ELAVL4: variants seen among roughly 807,000 people sequenced by gnomAD.
ELAVL4 encodes the protein ELAV like RNA binding protein 4, also known as ELAV-like protein 4.
ELAVL4 carries 1 observed loss-of-function variant against 35.6 expected under a neutral mutation model. The observed-to-expected ratio is 0.03, with a 90% CI of 0.01 to 0.13. The LOEUF is 0.13. Among genes scored for constraint, ELAVL4 ranks in the 10% least tolerant of loss-of-function variants. ELAVL4 has a pLI of 1.00. For synonymous variants in ELAVL4, 156 were observed against 171.0 expected (o/e 0.91, Z 0.69); for missense variants, 267 against 464.9 (o/e 0.57, Z 3.91).
At chr1:50,142,763 T>C (rs778661276) in intron 1 of ELAVL4, among the ~76,000 whole-genome samples, 85 of 152,152 alleles carry the variant, frequency 5.6e-4, no homozygotes, top group Non-Finnish European at 1.0e-3. Flanking sequence ...AACAGAATCC[T>C]AGGACTATCC....
chr1:50,148,167 T>C (rs1674085890), intron 2 of ELAVL4, among the ~76,000 whole-genome samples: 1 of 152,162 alleles, frequency 6.6e-6, no homozygotes, highest in African/African-American at 2.4e-5. Context: ...TGAAGCTTGG[T>C]GATTTCCCCA....
intron 1 of ELAVL4, among the ~76,000 whole-genome samples, chr1:50,074,563 C>A (rs1276188538): frequency 6.6e-6 from 1 of 151,698 alleles, no homozygotes; most frequent in Non-Finnish European, 1.5e-5. Context: ...AGAAAGGGAC[C>A]CAGTCTGTTG....
intron 1 of ELAVL4, among the ~76,000 whole-genome samples, chr1:50,117,558 T>A (rs540699199): frequency 6.6e-6 from 1 of 152,286 alleles, no homozygotes; most frequent in African/African-American, 2.4e-5. Flanking sequence ...TACTTCAACA[T>A]GAGCCACAAT....
chr1:50,197,298 T>G (rs1644117678), intron 5 of ELAVL4, 131 bp from the exon 6 acceptor site: 1 of 779,692 alleles, frequency 1.3e-6, no homozygotes, highest in South Asian at 3.0e-5. Context: ...TACCGGTGGA[T>G]AGACTCCTAA....
chr1:50,089,482 G>T (rs1665397541), intron 1 of ELAVL4, among the ~76,000 whole-genome samples: 1 of 152,154 alleles, frequency 6.6e-6, no homozygotes, highest in South Asian at 2.1e-4. Context: ...GCTAGGTGTG[G>T]TGACTCATTC....
chr1:50,162,372 A>C (rs532335354), intron 2 of ELAVL4, among the ~76,000 whole-genome samples: 81 of 152,150 alleles, frequency 5.3e-4, no homozygotes, highest in Non-Finnish European at 7.4e-4. Flanking sequence ...GCCCTTAAGG[A>C]ACTTAGGGTC....
intron 1 of ELAVL4, among the ~76,000 whole-genome samples, chr1:50,048,717 C>G (rs4537610): frequency 6.6e-6 from 1 of 151,994 alleles, no homozygotes; most frequent in Admixed American, 6.5e-5. Flanking sequence ...GCAGCACCCT[C>G]CCCTATCTTT....
At chr1:50,103,434 GA>G (rs894910170), upstream of ELAVL4, among the ~76,000 whole-genome samples, 157 of 144,316 alleles carry the variant, frequency 1.1e-3, no homozygotes, top group African/African-American at 2.2e-3. Context: ...ACATGATAAA[GA>G]AAAAAAAAAG....
intron 2 of ELAVL4, among the ~76,000 whole-genome samples, chr1:50,146,208 CTTTAT>C (rs1410442740): frequency 6.6e-6 from 1 of 151,446 alleles, no homozygotes; most frequent in Non-Finnish European, 1.5e-5. Flanking sequence ...TATACATCAT[CTTTAT>C]TTTAAATCAG....
At chr1:50,194,060 C>T (rs1488525954) in intron 4 of ELAVL4, 142 bp downstream of exon 4, 3 of 1,130,616 alleles carry the variant, frequency 2.7e-6, no homozygotes, top group Non-Finnish European at 3.7e-6. Flanking sequence ...AGAAAGACTT[C>T]TTATCGGTCA....
At chr1:50,187,206 T>C (rs1681965704) in intron 3 of ELAVL4, among the ~76,000 whole-genome samples, 1 of 152,180 alleles carries the variant, frequency 6.6e-6, no homozygotes, top group African/African-American at 2.4e-5. Context: ...TCTGAAATGA[T>C]TGGTTTGTGT....
At chr1:50,136,459 C>T (rs961697875) in intron 1 of ELAVL4, among the ~76,000 whole-genome samples, 1 of 152,144 alleles carries the variant, frequency 6.6e-6, no homozygotes, top group African/African-American at 2.4e-5. Flanking sequence ...TGGTTCAATT[C>T]AGTGACTGCC....
chr1:50,112,345 G>T (rs183098030), intron 1 of ELAVL4, among the ~76,000 whole-genome samples: 2 of 152,174 alleles, frequency 1.3e-5, no homozygotes, highest in Non-Finnish European at 2.9e-5. Flanking sequence ...TGTAAGAAGT[G>T]TCATCTTGGC....
chr1:50,067,866 G>T (rs377410357), intron 1 of ELAVL4, among the ~76,000 whole-genome samples: 1 of 152,126 alleles, frequency 6.6e-6, no homozygotes, highest in Non-Finnish European at 1.5e-5. Flanking sequence ...GCAGGAAGAA[G>T]TGCCAAGCAA....
chr1:50,060,097 T>C, intron 1 of ELAVL4, among the ~76,000 whole-genome samples: 1 of 152,220 alleles, frequency 6.6e-6, no homozygotes, highest in East Asian at 1.9e-4. Flanking sequence ...GTTTTATAAA[T>C]TTTATCTCAA....
In ELAVL4 at chr1:50,173,877, G is replaced by T. The variant is rs112075824; in HGVS notation, c.251-3212G>T. On this transcript the variant is annotated intron_variant, in intron 2 of 6. Transcript: ENST00000371824. ...GAGTAATAAAAAGATATTATTTCTGGAATACAGATACAGATACACTAGCTC... is the reference window on the plus strand; with the variant it reads ...GAGTAATAAAAAGATATTATTTCTGTAATACAGATACAGATACACTAGCTC... 4.9e-3 allele frequency among the ~76,000 whole-genome samples: 746 copies of T among 152,264 alleles called. 3 individuals are homozygous for T. The highest frequency in any genetic ancestry group is 0.017 in the Middle Eastern group (5 of 294).
chr1:50,143,508 A>G (rs561829012), intron 1 of ELAVL4, among the ~76,000 whole-genome samples: 4 of 152,300 alleles, frequency 2.6e-5, no homozygotes, highest in East Asian at 3.9e-4. Context: ...GGTGCTTTAC[A>G]TAAGTCATAT....
In ELAVL4 at chr1:50,177,207, G is replaced by A; in HGVS notation, c.354+15G>A. Reference sequence around the variant, plus strand: ...AAACCATAAAGGTAAGAGGTGATGTGCTGGCTCCTGATTCAGGAGGCTCTG... The same window carrying A: ...AAACCATAAAGGTAAGAGGTGATGTACTGGCTCCTGATTCAGGAGGCTCTG... On this transcript the variant is annotated intron_variant, in intron 3 of 6. Coordinates refer to ENST00000371824, the MANE Select transcript of ELAVL4 (RefSeq NM_001144774.3). 6.3e-7 allele frequency: 1 copy of A among 1,591,872 alleles called. No homozygotes were observed. The highest frequency in any genetic ancestry group is 8.6e-7 in the Non-Finnish European group (1 of 1,160,062).
At chr1:50,100,412 T>C (rs2148513172), upstream of ELAVL4, among the ~76,000 whole-genome samples, 1 of 152,324 alleles carries the variant, frequency 6.6e-6, no homozygotes, top group East Asian at 1.9e-4. Flanking sequence ...TAGGATGCGA[T>C]GGCTGTCAGT....
Sources: allele counts gnomAD v4.1 joint callset (sites outside exome capture counted in the v4.1 genomes callset), GRCh38; gene constraint gnomAD v4.1.1; transcripts MANE v1.5; gene names NCBI Gene and HGNC (gene_info 2026-07-23, HGNC 2026-07-21).